Variants in FAT3 observed in about 807,000 individuals in gnomAD.
FAT3 encodes protocadherin Fat 3.
Under a neutral mutation model 310.2 loss-of-function variants are expected in FAT3, and 95 were observed. That is an observed-to-expected ratio of 0.31 (90% CI 0.26 to 0.36). The LOEUF (loss-of-function observed/expected upper bound fraction) is 0.36. FAT3 is among the 10% of genes least tolerant of loss of function. The pLI, the probability that FAT3 is intolerant of heterozygous loss-of-function variation, is 1.00. For missense variants in FAT3, 5,408 were observed against 5,715.6 expected (o/e 0.95, Z 1.74); for synonymous variants, 2,314 against 2,192.9 (o/e 1.06, Z -1.54).
At position 92,789,950 on chromosome 11, in the gene FAT3, T is replaced by C; in HGVS notation, c.4343T>C (p.Ile1448Thr). ...TTCTTCTTTTAACTACAGGTATTTA[T>C]CAAAGTGCTGGATAATAATGATAAT... ...GTNVAVTQVF[I>T]KVLDNNDNGP... The change falls in exon 8 of 28, where the codon ATC (isoleucine) becomes ACC (threonine). Residue 1448 changes from isoleucine (I) to threonine (T), a missense_variant. Physicochemically the swap from Ile to Thr is moderately conservative, Grantham distance 89 (BLOSUM62 -1). This residue lies in a region of FAT3 where 4,588 missense variants were observed against 4,809.8 expected (regional missense o/e 0.95). Coordinates refer to ENST00000525166, the MANE Select transcript of FAT3 (RefSeq NM_001367949.2). 6.2e-7 allele frequency: 1 copy of C among 1,613,440 alleles called. No homozygotes were observed. Among genetic ancestry groups the C allele is most frequent in the South Asian group, 1.1e-5 (1 of 91,070 alleles).
intron 4 of FAT3, among the ~76,000 whole-genome samples, chr11:92,725,236 C>G (rs996803113): frequency 1.3e-5 from 2 of 152,070 alleles, no homozygotes; most frequent in South Asian, 2.1e-4. Flanking sequence ...AGAAATGGGC[C>G]TCTTCTTAAA....
At chr11:92,335,254 C>T (rs944202996) in intron 1 of FAT3, among the ~76,000 whole-genome samples, 3 of 151,210 alleles carry the variant, frequency 2.0e-5, no homozygotes, top group Non-Finnish European at 4.4e-5. Flanking sequence ...CCTATCTTTC[C>T]CTCCTGACTT....
intron 1 of FAT3, among the ~76,000 whole-genome samples, chr11:92,255,613 T>C (rs1865287574): frequency 6.6e-6 from 1 of 152,128 alleles, no homozygotes; most frequent in Non-Finnish European, 1.5e-5. Context: ...AACATATTGC[T>C]CTGAACTGGG....
intron 1 of FAT3, among the ~76,000 whole-genome samples, chr11:92,287,821 T>G (rs1011204667): frequency 2.0e-5 from 3 of 152,136 alleles, no homozygotes; most frequent in African/African-American, 7.2e-5. Context: ...GGTTCCCAGG[T>G]AGCAGCTCTT....
intron 6 of FAT3, among the ~76,000 whole-genome samples, chr11:92,771,757 A>G (rs1946461886): frequency 7.7e-6 from 1 of 130,494 alleles, no homozygotes; most frequent in Admixed American, 7.5e-5. Flanking sequence ...GAAGAGAGAG[A>G]ACTGTAAAAA....
chr11:92,779,251 G>A (rs961920055), intron 7 of FAT3, among the ~76,000 whole-genome samples: 3 of 152,094 alleles, frequency 2.0e-5, no homozygotes, highest in African/African-American at 7.2e-5. Context: ...GTAGCACTAC[G>A]AAGCCATTTT....
rs1324221022 is a variant in FAT3 at position 92,575,005 on chromosome 11, GAGCTCA to G, written c.3607+50063_3607+50068del. On this transcript the variant is annotated intron_variant, in intron 3 of 27. Coordinates refer to ENST00000525166, the MANE Select transcript of FAT3 (RefSeq NM_001367949.2). Reference sequence around the variant, plus strand: ...CTTAGATTCGGGTCTGATGGCTTCAGAGCTCAAGCTCTCAGCCACACAAAACATTAT... The same window carrying G: ...CTTAGATTCGGGTCTGATGGCTTCAGAGCTCTCAGCCACACAAAACATTAT... Among the ~76,000 whole-genome samples the G allele has an allele frequency of 4.6e-5, 7 of 152,242 alleles. No homozygotes were observed. The Middle Eastern group carries it at 0.01, about 222-fold the overall frequency.
At chr11:92,536,770 T>C (rs1340341382) in intron 3 of FAT3, among the ~76,000 whole-genome samples, 1 of 152,148 alleles carries the variant, frequency 6.6e-6, no homozygotes, top group African/African-American at 2.4e-5. Flanking sequence ...GTTCTCTAAA[T>C]TAAGTTGTGC....
At chr11:92,362,078 G>A (rs1157913413) in intron 2 of FAT3, among the ~76,000 whole-genome samples, 2 of 152,132 alleles carry the variant, frequency 1.3e-5, no homozygotes, top group African/African-American at 4.8e-5. Context: ...GGTGTTATGA[G>A]GAAAGACTCA....
intron 1 of FAT3, among the ~76,000 whole-genome samples, chr11:92,307,455 AT>A (rs1947170750): frequency 6.6e-6 from 1 of 152,202 alleles, no homozygotes; most frequent in Non-Finnish European, 1.5e-5. Context: ...TAGTCAGAAG[AT>A]CAGATTTGCC....
chr11:92,880,453 C>G (rs990074598), intron 22 of FAT3, among the ~76,000 whole-genome samples: 8 of 151,758 alleles, frequency 5.3e-5, no homozygotes, highest in African/African-American at 1.9e-4. Flanking sequence ...GGGTTCTGCT[C>G]TTGAAATCTG....
chr11:92,304,733 G>A (rs772721110), intron 1 of FAT3, among the ~76,000 whole-genome samples: 3 of 152,066 alleles, frequency 2.0e-5, no homozygotes, highest in Non-Finnish European at 4.4e-5. Flanking sequence ...CATTGACCTG[G>A]AGGAGGTGAG....
chr11:92,248,452 C>T (rs7934732), intron 1 of FAT3, among the ~76,000 whole-genome samples: 33,933 of 151,972 alleles, frequency 0.22, 3,903 homozygotes, highest in East Asian at 0.38. Context: ...AGAAAGATTA[C>T]TAGAATAGCT....
intron 13 of FAT3, among the ~76,000 whole-genome samples, chr11:92,820,327 CT>C: frequency 6.6e-6 from 1 of 152,130 alleles, no homozygotes; most frequent in Admixed American, 6.5e-5. Flanking sequence ...GTAGAGAGAT[CT>C]GTCTTTCTTC....
rs1372146959 is a variant in FAT3 at position 92,623,190 on chromosome 11, GTTGCTACATTAGTC to G, written c.3608-74193_3608-74180del. Among the ~76,000 whole-genome samples, 8 of 31,806 alleles carry G rather than the reference GTTGCTACATTAGTC, an allele frequency of 2.5e-4. No individual in the cohort carries two copies. In the African/African-American group the frequency reaches 4.3e-3, roughly 17 times the overall value. The allele number at this position is 31,806 out of a possible 152,430, so 20.9% of individuals were successfully genotyped here. ...CCCATGTTGCTACATGTTGCTACAT[GTTGCTACATTAGTC>G]AAATCTGACTAAATGTTGTAGATGA... On this transcript the variant is annotated intron_variant, in intron 3 of 27. Transcript: ENST00000525166.
At chr11:92,686,294 C>T (rs1263872207) in intron 3 of FAT3, among the ~76,000 whole-genome samples, 2 of 152,162 alleles carry the variant, frequency 1.3e-5, no homozygotes, top group Non-Finnish European at 2.9e-5. Flanking sequence ...CTAATATTAG[C>T]ATAGTGTTGC....
At chr11:92,465,071 T>C (rs1951727692) in intron 2 of FAT3, among the ~76,000 whole-genome samples, 1 of 152,154 alleles carries the variant, frequency 6.6e-6, no homozygotes. Flanking sequence ...AAAAAGCATT[T>C]ATTTGATTTA....
chr11:92,420,130 A>G (rs1339561349), intron 2 of FAT3, among the ~76,000 whole-genome samples: 1 of 152,216 alleles, frequency 6.6e-6, no homozygotes. Flanking sequence ...TTGTCATTCA[A>G]GGGCAGAGTC....
At chr11:92,484,241 T>C (rs925834676) in intron 2 of FAT3, among the ~76,000 whole-genome samples, 29 of 152,218 alleles carry the variant, frequency 1.9e-4, no homozygotes, top group Admixed American at 1.8e-3. Context: ...GGTGCTGTTT[T>C]CCTCCTTAGC....
Sources: gnomAD v4.1 joint callset for allele counts (sites outside exome capture counted in the v4.1 genomes callset) on GRCh38, gnomAD v4.1.1 for gene constraint, gnomAD v4.1.1 regional missense constraint, MANE v1.5 for transcripts, NCBI Gene and HGNC (gene_info 2026-07-23, HGNC 2026-07-21) for gene names.